MDN1: variants seen among roughly 807,000 people sequenced by gnomAD.
The protein encoded by MDN1 is midasin AAA ATPase 1, also known as midasin.
In MDN1, 266 loss-of-function variants were observed where a neutral mutation model predicts 669.2. The ratio of observed to expected loss-of-function variants is 0.40; its 90% confidence interval spans 0.36 to 0.44. The LOEUF is 0.44. MDN1 is among the 20% of genes least tolerant of loss of function. The pLI is 1.00. For missense variants in MDN1, 5,940 were observed against 6,754.0 expected (o/e 0.88, Z 4.22); for synonymous variants, 2,385 against 2,457.1 (o/e 0.97, Z 0.87).
chr6:89,794,861 G>T, intron 2 of MDN1, 60 bp from the exon 3 acceptor site: 1 of 1,395,350 alleles, frequency 7.2e-7, no homozygotes, highest in Non-Finnish European at 1.0e-6. Context: ...TAATTTTTCT[G>T]CTTTGTAATA....
rs1584193215 is a variant in MDN1, at chr6:89,688,671, C to T, written c.11161G>A (p.Val3721Ile). 2.5e-6 allele frequency: 4 copies of T among 1,614,152 alleles called. No individual in the cohort carries two copies. The highest frequency in any genetic ancestry group is 3.4e-6 in the Non-Finnish European group (4 of 1,180,012). ...GPYDFYQHPNVPEARQCQPVL... is the reference protein window; with the variant it reads ...GPYDFYQHPNIPEARQCQPVL... ...GGTTGACACTGCCGTGCTTCTGGAA[C>T]ATTGGGATGCTGGTAGAAGTCATAG... is the stretch of plus-strand genomic sequence containing the variant. The change falls in exon 66 of 102, where the codon GTT becomes ATT. Residue 3721 changes from valine to isoleucine, a missense_variant. Physicochemically the swap from Val to Ile is conservative, Grantham distance 29. This residue lies in a region of MDN1 where 2,280 missense variants were observed against 2,576.3 expected (regional missense o/e 0.88). Coordinates refer to ENST00000369393, the MANE Select transcript of MDN1 (RefSeq NM_014611.3).
At position 89,749,669 on chromosome 6, in the gene MDN1, C is replaced by T. The variant is rs764850569; in HGVS notation, c.3489G>A (p.Ala1163=). Residue 1163 remains alanine, a synonymous_variant, in exon 25 of 102, where the codon GCG becomes GCA. Coordinates refer to ENST00000369393, the MANE Select transcript of MDN1 (RefSeq NM_014611.3). ...LNLAPTDVLE[A]LNRLLDDNRE... ...GGTTATCATCCAACAGCCTATTCAG[C>T]GCCTCTAACACATCAGTAGGGGCCA... The T allele has an allele frequency of 2.7e-5, 43 of 1,613,950 alleles. No individual in the cohort carries two copies. The Middle Eastern group carries it at 4.9e-4, about 19-fold the overall frequency.
intron 33 of MDN1, among the ~76,000 whole-genome samples, chr6:89,735,319 C>CCTTT (rs1259992957): frequency 6.7e-6 from 1 of 148,960 alleles, no homozygotes; most frequent in Non-Finnish European, 1.5e-5. Flanking sequence ...AGTTCATGTG[C>CCTTT]CTTTCACAGG....
At chr6:89,689,784 TGA>T in intron 65 of MDN1, 84 bp downstream of exon 65, 1 of 1,431,778 alleles carries the variant, frequency 7.0e-7, no homozygotes. Context: ...AGGAAATTCA[TGA>T]GTGTGATTGT....
intron 78 of MDN1, 195 bp downstream of exon 78, chr6:89,675,269 G>GGA (rs144610196): frequency 1.6e-4 from 91 of 563,594 alleles, no homozygotes; most frequent in African/African-American, 1.6e-3. Context: ...GAGCACGGAG[G>GGA]GAGAGGGACA....
intron 92 of MDN1, among the ~76,000 whole-genome samples, chr6:89,654,985 T>C (rs1809155336): frequency 6.6e-6 from 1 of 152,176 alleles, no homozygotes; most frequent in Non-Finnish European, 1.5e-5. Context: ...TGTACTTAAC[T>C]ATACAACAGA....
In MDN1 at chr6:89,728,072, T is replaced by C. The variant is rs140367458; in HGVS notation, c.5350-117A>G. On this transcript the variant is annotated intron_variant, in intron 36 of 101. Coordinates refer to ENST00000369393, the MANE Select transcript of MDN1 (RefSeq NM_014611.3). ...GGCTGGCACCACTACTCTTCCTTCCTACACCCAAGATAGAACTAACCAATC... is the reference window on the plus strand; with the variant it reads ...GGCTGGCACCACTACTCTTCCTTCCCACACCCAAGATAGAACTAACCAATC... 43 of 1,242,812 alleles carry C rather than the reference T, an allele frequency of 3.5e-5. No individual in the cohort carries two copies. The East Asian group carries it at 1.0e-3, about 30-fold the overall frequency. The allele number at this position is 1,242,812 out of a possible 1,614,324, so 77.0% of individuals were successfully genotyped here. A position where few individuals can be genotyped will look rare whatever the true frequency, so the allele number is the denominator to read the frequency against.
At chr6:89,707,785 G>A (rs1813620921) in intron 51 of MDN1, among the ~76,000 whole-genome samples, 1 of 152,234 alleles carries the variant, frequency 6.6e-6, no homozygotes, top group African/African-American at 2.4e-5. Context: ...GTGGAGCAGA[G>A]GAGTAGGGGG....
At chr6:89,656,150 T>C (rs1272078983) in intron 91 of MDN1, among the ~76,000 whole-genome samples, 182 bp from the exon 92 acceptor site, 3 of 152,204 alleles carry the variant, frequency 2.0e-5, no homozygotes, top group Non-Finnish European at 2.9e-5. Context: ...ACAATCTCTA[T>C]GATATACTTT....
At chr6:89,711,660 C>T (rs548706591) in intron 49 of MDN1, among the ~76,000 whole-genome samples, 1 of 152,228 alleles carries the variant, frequency 6.6e-6, no homozygotes, top group Admixed American at 6.5e-5. Context: ...ATCTTATATA[C>T]TTTTAGAGGA....
At chr6:89,788,042 G>A in intron 7 of MDN1, 85 bp from the exon 8 acceptor site, 1 of 1,161,574 alleles carries the variant, frequency 8.6e-7, no homozygotes, top group Non-Finnish European at 1.2e-6. Flanking sequence ...CTCTCAAAAT[G>A]ACAGACACAC....
rs201906884 is a variant in MDN1, at chr6:89,673,315, A to G, written c.13395T>C (p.Tyr4465=). 122 of 1,614,168 alleles carry G rather than the reference A, an allele frequency of 7.6e-5. No individual in the cohort carries two copies. In the East Asian group the frequency reaches 2.3e-3, roughly 31 times the overall value. Residue 4465 remains tyrosine, a synonymous_variant, in exon 80 of 102, where the codon TAT becomes TAC. Transcript: ENST00000369393. ...TGGCTTTACTAATTTCTCCTCTTAC[A>G]TATTCCAGACTTTCAACTAGTGCCA... The part of the protein sequence containing the change: ...SQMALVESLE[Y]VRGEISKAMA...
At chr6:89,804,379 T>C (rs1304031555) in intron 1 of MDN1, among the ~76,000 whole-genome samples, 1 of 152,136 alleles carries the variant, frequency 6.6e-6, no homozygotes, top group Non-Finnish European at 1.5e-5. Flanking sequence ...ATATAAAGGC[T>C]GTTACAAATA....
At chr6:89,706,622 C>G (rs1813533367) in intron 52 of MDN1, among the ~76,000 whole-genome samples, 1 of 152,024 alleles carries the variant, frequency 6.6e-6, no homozygotes, top group African/African-American at 2.4e-5. Context: ...GATTTTGGAG[C>G]ATTTCAGATT....
In MDN1 at chr6:89,694,102, C is replaced by T. The variant is rs757242302; in HGVS notation, c.9853G>A (p.Val3285Ile). The part of the protein sequence containing the change: ...QTGRDLEDEV[V>I]VSYSHPHVRL... ...ACGTGAGGATGAGAGTAGCTGACAA[C>T]GACTTCATCTTCCAGGTCTCTTCCA... is the stretch of plus-strand genomic sequence containing the variant. The change falls in exon 62 of 102, where the codon GTT becomes ATT. Residue 3285 changes from valine to isoleucine, a missense_variant. Physicochemically the swap from Val to Ile is conservative, Grantham distance 29. Transcript: ENST00000369393. 2.0e-5 allele frequency: 32 copies of T among 1,614,034 alleles called. No individual in the cohort carries two copies. Among genetic ancestry groups the T allele is most frequent in the African/African-American group, 2.7e-5 (2 of 74,922 alleles).
intron 76 of MDN1, 86 bp from the exon 77 acceptor site, chr6:89,676,293 GCCATAA>G: frequency 8.3e-7 from 1 of 1,200,218 alleles, no homozygotes; most frequent in East Asian, 2.4e-5. Context: ...GGTATATTTG[GCCATAA>G]CCAAGAGTCA....
At position 89,745,500 on chromosome 6, in the gene MDN1, T is replaced by A; in HGVS notation, c.4031A>T (p.Lys1344Ile). The A allele has an allele frequency of 6.2e-7, 1 of 1,614,142 alleles. No individual in the cohort carries two copies. Among genetic ancestry groups the A allele is most frequent in the Non-Finnish European group, 8.5e-7 (1 of 1,179,992 alleles). Residue 1344 changes from lysine (K) to isoleucine (I), a missense_variant, in exon 28 of 102, where the codon AAA becomes ATA. Lys to Ile is a moderately radical substitution (Grantham distance 102, BLOSUM62 -3). Around this residue, in one of 5 missense-constraint regions of MDN1, gnomAD observed 2,292 missense variants for 2,638.3 expected, o/e 0.87. Transcript: ENST00000369393. ...GATTTTGGCCTACTCACCCAGCAAT[T>A]TTAGAACATTTTCTTTGGAGAAAAG... ...QSLFSKENVL[K>I]LLGKLSTQIS...
chr6:89,664,556 C>A lies in MDN1; in HGVS notation c.14167G>T (p.Glu4723Ter). 1 of 1,613,856 alleles carries A rather than the reference C, an allele frequency of 6.2e-7. No homozygotes were observed. The highest frequency in any genetic ancestry group is 8.5e-7 in the Non-Finnish European group (1 of 1,179,760). ...DPDSKSDIKG[E>*]DNAIEMSEDF... ...TCCGACATCTCAATGGCATTATCCT[C>A]GCCCTTAATATCAGATTTTGAATCA... Residue 4723 changes from glutamate (E) to a stop codon, truncating the protein, a stop_gained, in exon 85 of 102, where the codon GAG becomes TAG. Transcript: ENST00000369393. LOFTEE classifies it high-confidence loss of function.
chr6:89,810,362 G>A (rs910728356), intron 1 of MDN1, among the ~76,000 whole-genome samples: 1 of 151,882 alleles, frequency 6.6e-6, no homozygotes, highest in Non-Finnish European at 1.5e-5. Flanking sequence ...CTTGAACCCG[G>A]GAAGCAGAGG....
Sources: allele counts gnomAD v4.1 joint callset (sites outside exome capture counted in the v4.1 genomes callset), GRCh38; gene constraint gnomAD v4.1.1; regional missense constraint gnomAD v4.1.1; transcripts MANE v1.5; gene names NCBI Gene and HGNC (gene_info 2026-07-23, HGNC 2026-07-21).